The following PLEKHA8 variants were observed in gnomAD, a reference collection of about 807,000 sequenced individuals.
The protein encoded by PLEKHA8 is pleckstrin homology domain containing A8, also known as pleckstrin homology domain-containing family A member 8.
In PLEKHA8, 36 loss-of-function variants were observed where a neutral mutation model predicts 68.2. The observed-to-expected ratio is 0.53, with a 90% CI of 0.40 to 0.70. PLEKHA8 has a LOEUF of 0.70. PLEKHA8 is among the 30% of genes least tolerant of loss of function. PLEKHA8 has a pLI of 0.00. For missense variants in PLEKHA8, 505 were observed against 615.4 expected (o/e 0.82, Z 1.90); for synonymous variants, 211 against 216.1 (o/e 0.98, Z 0.20).
At chr7:30,074,003 T>A (rs1583434114) in intron 12 of PLEKHA8, 68 bp from the exon 13 acceptor site, 83 of 1,297,348 alleles carry the variant, frequency 6.4e-5, no homozygotes, top group Middle Eastern at 4.1e-4. Context: ...AAAAAAAAAG[T>A]ACATTATACA....
chr7:30,116,620 TGATA>T (rs1226631528), intron 13 of PLEKHA8, among the ~76,000 whole-genome samples: 1 of 152,242 alleles, frequency 6.6e-6, no homozygotes, highest in African/African-American at 2.4e-5. Context: ...ATTGTGCCGC[TGATA>T]GATGCCTTAC....
In PLEKHA8 at chr7:30,115,574, A is replaced by G. The variant is rs563953815; in HGVS notation, c.1363-13692A>G. On this transcript the variant is annotated intron_variant, in intron 13 of 13. Transcript: ENST00000396257. Reference sequence around the variant, plus strand: ...CGTATACATGTAGACATATGTATACATGCACGTATACATGTAGACATGTAT... The same window carrying G: ...CGTATACATGTAGACATATGTATACGTGCACGTATACATGTAGACATGTAT... 8.5e-3 allele frequency among the ~76,000 whole-genome samples: 1,288 copies of G among 151,542 alleles called. 22 individuals carry two copies. Among genetic ancestry groups the G allele is most frequent in the African/African-American group, 0.03 (1,243 of 41,452 alleles).
chr7:30,050,373 C>T, intron 5 of PLEKHA8, 61 bp from the exon 6 acceptor site: 1 of 1,515,476 alleles, frequency 6.6e-7, no homozygotes, highest in Non-Finnish European at 8.8e-7. Flanking sequence ...GTAATAAGAT[C>T]ATAAATATGC....
At chr7:30,085,298 TCAGA>T (rs1203416260), downstream of PLEKHA8, among the ~76,000 whole-genome samples, 3 of 152,164 alleles carry the variant, frequency 2.0e-5, no homozygotes, top group African/African-American at 7.2e-5. Context: ...TTTTGAAGCA[TCAGA>T]CAGCCTCTGG....
intron 13 of PLEKHA8, among the ~76,000 whole-genome samples, chr7:30,109,843 T>C (rs1796211429): frequency 6.6e-6 from 1 of 151,814 alleles, no homozygotes; most frequent in Non-Finnish European, 1.5e-5. Context: ...GGCTAATTTT[T>C]AAATTTTATG....
chr7:30,091,719 G>A (rs1013096111), downstream of PLEKHA8, among the ~76,000 whole-genome samples: 1 of 152,204 alleles, frequency 6.6e-6, no homozygotes, highest in African/African-American at 2.4e-5. Context: ...CAAGAAGCCA[G>A]AAAGACTCTT....
At chr7:30,039,262 C>T (rs998044043) in intron 1 of PLEKHA8, among the ~76,000 whole-genome samples, 2 of 152,110 alleles carry the variant, frequency 1.3e-5, no homozygotes, top group African/African-American at 4.8e-5. Flanking sequence ...ACCTGTAATC[C>T]TAGCACTTTT....
At chr7:30,096,622 C>CT (rs1200233857) in intron 13 of PLEKHA8, among the ~76,000 whole-genome samples, 1 of 152,108 alleles carries the variant, frequency 6.6e-6, no homozygotes, top group Non-Finnish European at 1.5e-5. Context: ...GGTTTAAAGT[C>CT]TGTTTTATCT....
intron 9 of PLEKHA8, among the ~76,000 whole-genome samples, chr7:30,058,831 T>G (rs1793205613): frequency 6.6e-6 from 1 of 152,224 alleles, no homozygotes; most frequent in South Asian, 2.1e-4. Context: ...GCTGACATCT[T>G]AAACAACATC....
rs747131379 is a variant in PLEKHA8, at chr7:30,054,775, A to T, written c.863A>T (p.Gln288Leu). 6.2e-7 allele frequency: 1 copy of T among 1,607,482 alleles called. No individual in the cohort carries two copies. The highest frequency in any genetic ancestry group is 8.5e-7 in the Non-Finnish European group (1 of 1,175,716). The change falls in exon 8 of 14, where the codon CAG becomes CTG. Residue 288 changes from glutamine (Q) to leucine (L), a missense_variant. Physicochemically the swap from Gln to Leu is moderately radical, Grantham distance 113. Coordinates refer to ENST00000449726, the MANE Select transcript of PLEKHA8 (RefSeq NM_001197026.2). ...NLKNHDNNLT[Q>L]SGSDSSCSPE... is the part of the protein sequence containing the mutation. ...AAAAATCATGACAATAACTTGACTC[A>T]GTCTGGATCAGACTCAAGTTGCTCT...
chr7:30,091,648 A>C (rs776375379), downstream of PLEKHA8, among the ~76,000 whole-genome samples: 1 of 152,206 alleles, frequency 6.6e-6, no homozygotes, highest in East Asian at 1.9e-4. Context: ...TGCCCAGTAC[A>C]TCTGAAATAA....
chr7:30,117,941 A>C, intron 13 of PLEKHA8: 1 of 1,474,630 alleles, frequency 6.8e-7, no homozygotes, highest in Non-Finnish European at 9.1e-7. Flanking sequence ...AAAAATTTAA[A>C]AACTGAGACG....
chr7:30,031,929 C>G (rs1007610638), intron 1 of PLEKHA8, among the ~76,000 whole-genome samples: 2 of 151,866 alleles, frequency 1.3e-5, no homozygotes, highest in Non-Finnish European at 2.9e-5. Flanking sequence ...CCCTTAAATG[C>G]TAAGCGTATT....
chr7:30,052,363 G>T (rs145599907), intron 6 of PLEKHA8, among the ~76,000 whole-genome samples: 1 of 152,214 alleles, frequency 6.6e-6, no homozygotes, highest in East Asian at 1.9e-4. Context: ...CAAGCTTGGC[G>T]AGGTGGCTCA....
chr7:30,091,024 C>T (rs942854215), downstream of PLEKHA8, among the ~76,000 whole-genome samples: 1 of 151,974 alleles, frequency 6.6e-6, no homozygotes, highest in Admixed American at 6.6e-5. Context: ...ATTAGCCAGG[C>T]GTGATGGTGC....
At chr7:30,033,445 G>C (rs964848799) in intron 1 of PLEKHA8, among the ~76,000 whole-genome samples, 1 of 152,034 alleles carries the variant, frequency 6.6e-6, no homozygotes, top group African/African-American at 2.4e-5. Flanking sequence ...GTTTTTTTTG[G>C]ATAGCATGTA....
Position 30,052,827 on chromosome 7 carries a change from A to T in PLEKHA8, c.757A>T (p.Ser253Cys), listed in dbSNP as rs769161608. ...LYLKSAEIDC[S>C]ISSEENTDDN... is the part of the protein sequence containing the mutation. Reference sequence around the variant, plus strand: ...TTTGAAATCTGCAGAGATAGACTGCAGCATATCAAGTGAGGAAAATACAGA... The same window carrying T: ...TTTGAAATCTGCAGAGATAGACTGCTGCATATCAAGTGAGGAAAATACAGA... The change falls in exon 7 of 14, where the codon AGC becomes TGC. Residue 253 changes from serine (S) to cysteine (C), a missense_variant. Coordinates refer to ENST00000449726, the MANE Select transcript of PLEKHA8 (RefSeq NM_001197026.2). The T allele has an allele frequency of 6.3e-7, 1 of 1,578,200 alleles. No individual in the cohort carries two copies. Among genetic ancestry groups the T allele is most frequent in the Non-Finnish European group, 8.5e-7 (1 of 1,170,436 alleles).
At chr7:30,100,555 A>AAATT (rs557959934) in intron 13 of PLEKHA8, among the ~76,000 whole-genome samples, 17 of 152,206 alleles carry the variant, frequency 1.1e-4, no homozygotes, top group African/African-American at 3.6e-4. Flanking sequence ...TGTCTCAAAA[A>AAATT]AATTAATTAA....
chr7:30,098,583 G>T (rs1399808824), intron 13 of PLEKHA8, among the ~76,000 whole-genome samples: 2 of 152,252 alleles, frequency 1.3e-5, no homozygotes, highest in African/African-American at 4.8e-5. Context: ...ATCTCAGACT[G>T]CTGTGCTAGC....
Sources: gnomAD v4.1 joint callset for allele counts (sites outside exome capture counted in the v4.1 genomes callset) on GRCh38, gnomAD v4.1.1 for gene constraint, MANE v1.5 for transcripts, NCBI Gene and HGNC (gene_info 2026-07-23, HGNC 2026-07-21) for gene names.